Variants in RCAN1 observed in about 807,000 individuals in gnomAD.
RCAN1 encodes the protein regulator of calcineurin 1.
Under a neutral mutation model 22.9 loss-of-function variants are expected in RCAN1, and 11 were observed. The ratio of observed to expected loss-of-function variants is 0.48; its 90% confidence interval spans 0.30 to 0.79. RCAN1 has a LOEUF of 0.79. Among genes scored for constraint, RCAN1 ranks in the 30% least tolerant of loss-of-function variants. The probability of loss-of-function intolerance (pLI) is 0.06; values close to 1 mark genes in which losing one functional copy is unlikely to be tolerated. For missense variants in RCAN1, 291 were observed against 337.8 expected (o/e 0.86, Z 1.09); for synonymous variants, 136 against 142.3 (o/e 0.96, Z 0.32).
At chr21:34,550,029 C>A (rs933661365) in intron 1 of RCAN1, among the ~76,000 whole-genome samples, 1 of 152,176 alleles carries the variant, frequency 6.6e-6, no homozygotes, top group East Asian at 1.9e-4. Flanking sequence ...AGAATGGAAG[C>A]ACTGCCAAGA....
At chr21:34,578,508 C>T (rs1405064495) in intron 1 of RCAN1, among the ~76,000 whole-genome samples, 1 of 152,140 alleles carries the variant, frequency 6.6e-6, no homozygotes, top group African/African-American at 2.4e-5. Context: ...AGCAGGGTTC[C>T]CAGGCAGGTG....
chr21:34,592,871 G>A (rs193162868), intron 1 of RCAN1, among the ~76,000 whole-genome samples: 1 of 152,246 alleles, frequency 6.6e-6, no homozygotes, highest in Admixed American at 6.5e-5. Flanking sequence ...TACTTAATTG[G>A]AGCACCAGGA....
intron 1 of RCAN1, among the ~76,000 whole-genome samples, chr21:34,556,725 C>G (rs566520629): frequency 9.2e-5 from 14 of 152,242 alleles, no homozygotes; most frequent in Admixed American, 2.6e-4. Flanking sequence ...AAAAATATGA[C>G]AGAACGTTTC....
chr21:34,530,001 C>G (rs561900898), intron 1 of RCAN1, among the ~76,000 whole-genome samples: 36 of 152,240 alleles, frequency 2.4e-4, no homozygotes, highest in Non-Finnish European at 3.8e-4. Context: ...CGCCGTGATT[C>G]TGAGGCCTCC....
intron 1 of RCAN1, among the ~76,000 whole-genome samples, chr21:34,529,042 A>C (rs948787386): frequency 2.0e-5 from 3 of 152,086 alleles, no homozygotes; most frequent in African/African-American, 4.8e-5. Flanking sequence ...TAGATTGCCC[A>C]AAAACATGTA....
intron 1 of RCAN1, among the ~76,000 whole-genome samples, chr21:34,589,070 T>C (rs1356458213): frequency 6.6e-6 from 1 of 152,188 alleles, no homozygotes; most frequent in Non-Finnish European, 1.5e-5. Flanking sequence ...AGATGAAAAG[T>C]GTTCTGGAGA....
intron 1 of RCAN1, among the ~76,000 whole-genome samples, chr21:34,601,665 A>C (rs1197927501): frequency 6.6e-6 from 1 of 152,070 alleles, no homozygotes; most frequent in Non-Finnish European, 1.5e-5. Context: ...AAAAATACAA[A>C]AAATTAGCCA....
At chr21:34,527,025 T>A in intron 1 of RCAN1, 1 of 1,183,834 alleles carries the variant, frequency 8.4e-7, no homozygotes. Context: ...ATTTTCCCTA[T>A]GCTAATTAAC....
intron 1 of RCAN1, among the ~76,000 whole-genome samples, chr21:34,531,968 C>T (rs1209690220): frequency 6.6e-6 from 1 of 152,064 alleles, no homozygotes; most frequent in Non-Finnish European, 1.5e-5. Flanking sequence ...TATTCAGGAC[C>T]ACCACGATGG....
At chr21:34,559,383 T>A (rs1986707498) in intron 1 of RCAN1, 1 of 151,736 alleles carries the variant, frequency 6.6e-6, no homozygotes, top group East Asian at 1.9e-4. Flanking sequence ...CCACAATGAA[T>A]CCAATTACGT....
At chr21:34,553,549 G>C (rs1401952921) in intron 1 of RCAN1, among the ~76,000 whole-genome samples, 1 of 152,034 alleles carries the variant, frequency 6.6e-6, no homozygotes, top group East Asian at 1.9e-4. Flanking sequence ...CTCATTTCCT[G>C]AAATGATTCT....
chr21:34,530,467 T>C (rs1863948650), intron 1 of RCAN1, among the ~76,000 whole-genome samples: 2 of 152,150 alleles, frequency 1.3e-5, no homozygotes, highest in South Asian at 4.2e-4. Context: ...TGTGAAGCTG[T>C]CTGCAACATG....
intron 1 of RCAN1, among the ~76,000 whole-genome samples, chr21:34,542,555 CA>C: frequency 9.1e-3 from 1 of 110 alleles, no homozygotes; most frequent in East Asian, 0.25. Context: ...AGTCGCCAGC[CA>C]AGGGAAACCC....
At chr21:34,557,862 T>C (rs1196306343) in intron 1 of RCAN1, among the ~76,000 whole-genome samples, 10 of 152,236 alleles carry the variant, frequency 6.6e-5, no homozygotes, top group African/African-American at 2.2e-4. Flanking sequence ...ACACTCACTC[T>C]CTCATGTAAC....
At chr21:34,541,417 T>G (rs1985906125) in intron 1 of RCAN1, among the ~76,000 whole-genome samples, 1 of 152,210 alleles carries the variant, frequency 6.6e-6, no homozygotes, top group South Asian at 2.1e-4. Context: ...ATCTGCTCAG[T>G]GTAGGCGCTT....
In RCAN1 at chr21:34,525,042, C is replaced by A. The variant is rs922952547; in HGVS notation, c.253-1332G>T. Reference sequence around the variant, plus strand: ...GGGCTGGCCAGGAAGAAGGGGATGGCGCAGGGTGTGGATGGTAGGCAGCGC... The same window carrying A: ...GGGCTGGCCAGGAAGAAGGGGATGGAGCAGGGTGTGGATGGTAGGCAGCGC... On this transcript the variant is annotated intron_variant, in intron 1 of 3. Transcript: ENST00000313806. The A allele has an allele frequency of 3.2e-6, 5 of 1,546,868 alleles. No homozygotes were observed. In the Admixed American group the frequency reaches 5.9e-5, roughly 18 times the overall value.
At position 34,521,571 on chromosome 21, in the gene RCAN1, A is replaced by G; in HGVS notation, c.514T>C (p.Trp172Arg). 6.2e-7 allele frequency: 1 copy of G among 1,614,140 alleles called. No individual in the cohort carries two copies. Residue 172 changes from tryptophan (W) to arginine (R), a missense_variant, in exon 3 of 4, where the codon TGG (tryptophan) becomes CGG (arginine). Coordinates refer to ENST00000313806, the MANE Select transcript of RCAN1 (RefSeq NM_004414.7). The part of the protein sequence containing the change: ...ISPPASPPVG[W>R]KQVEDATPVI... ...GGGGTCGCATCTTCCACTTGTTTCC[A>G]TCCCACTGGCGGAGAGGCGGGAGGG...
chr21:34,533,976 T>C (rs1985551274), intron 1 of RCAN1, among the ~76,000 whole-genome samples: 1 of 152,078 alleles, frequency 6.6e-6, no homozygotes, highest in African/African-American at 2.4e-5. Flanking sequence ...GAGAAAGTGG[T>C]TGGGAATGAG....
chr21:34,587,610 T>C (rs920944309), intron 1 of RCAN1, among the ~76,000 whole-genome samples: 6 of 152,130 alleles, frequency 3.9e-5, no homozygotes, highest in Non-Finnish European at 8.8e-5. Flanking sequence ...AGTGAATATA[T>C]ATATGTTAAA....
Sources: allele counts gnomAD v4.1 joint callset (sites outside exome capture counted in the v4.1 genomes callset), GRCh38; gene constraint gnomAD v4.1.1; transcripts MANE v1.5; gene names NCBI Gene and HGNC (gene_info 2026-07-23, HGNC 2026-07-21).